P3H2: variants seen among roughly 807,000 people sequenced by gnomAD.
P3H2 encodes prolyl 3-hydroxylase 2, also known as leprecan-like 1.
A neutral mutation model predicts 87.0 loss-of-function variants in P3H2; 80 were observed. The ratio of observed to expected loss-of-function variants is 0.92; its 90% confidence interval spans 0.77 to 1.11. The LOEUF is 1.11. P3H2 is among the 50% of genes least tolerant of loss of function. The pLI is 0.00. For synonymous variants in P3H2, 367 were observed against 359.3 expected, an observed-to-expected ratio of 1.02 and a Z score of -0.24; for missense variants, 1,001 against 923.9, an observed-to-expected ratio of 1.08 and a Z score of -1.08.
At chr3:189,994,898 T>C (rs865988549) in intron 2 of P3H2, among the ~76,000 whole-genome samples, 1 of 152,218 alleles carries the variant, frequency 6.6e-6, no homozygotes, top group African/African-American at 2.4e-5. Flanking sequence ...AATCACAGTA[T>C]AATCCTGAAC....
chr3:190,031,756 C>T lies in P3H2; in HGVS notation c.481-36314G>A, dbSNP rs576516193. Among the ~76,000 whole-genome samples the T allele has an allele frequency of 2.4e-5, 3 of 125,758 alleles. No homozygotes were observed. The South Asian group carries it at 8.0e-4, about 34-fold the overall frequency. 82.5% of individuals were successfully genotyped at this position (125,758 alleles called of 152,430 possible). A position where few individuals can be genotyped will look rare whatever the true frequency, so the allele number is the denominator to read the frequency against. ...ATCAGATAAATTTGCAAAAAAAATG[C>T]AGATTGGTAACAAAAATTTAAAATT... On this transcript the variant is annotated intron_variant, in intron 1 of 14. Transcript: ENST00000319332.
At chr3:190,038,179 C>T (rs1010242758) in intron 1 of P3H2, among the ~76,000 whole-genome samples, 9 of 149,306 alleles carry the variant, frequency 6.0e-5, no homozygotes, top group South Asian at 2.1e-4. Context: ...AGACCTGTCG[C>T]GAGCCGAGAT....
At chr3:189,963,736 GCC>G (rs1421296082) in intron 14 of P3H2, 1 of 558,246 alleles carries the variant, frequency 1.8e-6, no homozygotes, top group Non-Finnish European at 3.2e-6. Flanking sequence ...GAGCCACCAC[GCC>G]CAGCCTTACA....
rs66723928 is a variant in P3H2, at chr3:190,013,925, AT to A, written c.481-18484del. ...ATCAGTAAATGTTAGCTTTGATCTT[AT>A]TTTTTTTTAAGTAGGAAAAAAGTAG... On this transcript the variant is annotated intron_variant, in intron 1 of 14. Transcript: ENST00000319332. 4.0e-5 allele frequency among the ~76,000 whole-genome samples: 6 copies of A among 151,590 alleles called. No homozygotes were observed. The East Asian group carries it at 5.8e-4, about 15-fold the overall frequency.
rs71635315 is a variant in P3H2 at position 190,041,020 on chromosome 3, C to CTATATATATATA, written c.481-45590_481-45579dup. 4.0e-4 allele frequency among the ~76,000 whole-genome samples: 21 copies of CTATATATATATA among 52,656 alleles called. 1 individual carries two copies. Among genetic ancestry groups the CTATATATATATA allele is most frequent in the South Asian group, 2.1e-3 (2 of 948 alleles). The allele number at this position is 52,656 out of a possible 152,430, so 34.5% of individuals were successfully genotyped here. A position where few individuals can be genotyped will look rare whatever the true frequency, so the allele number is the denominator to read the frequency against. ...GCAACATGGCAAAACCATGGCTCTA[C>CTATATATATATA]TATATATATATATATATACACACAC... On this transcript the variant is annotated intron_variant, in intron 1 of 14. Coordinates refer to ENST00000319332, the MANE Select transcript of P3H2 (RefSeq NM_018192.4).
rs184396235 is a variant in P3H2 at position 189,987,025 on chromosome 3, T to C, written c.1099-148A>G. 3.2e-5 allele frequency: 21 copies of C among 652,968 alleles called. No homozygotes were observed. In the East Asian group the frequency reaches 5.7e-4, roughly 18 times the overall value. The allele number at this position is 652,968 out of a possible 1,614,324, so 40.4% of individuals were successfully genotyped here. A position where few individuals can be genotyped will look rare whatever the true frequency, so the allele number is the denominator to read the frequency against. ...TGCAAGACTTGGCCCCATCTCAACA[T>C]ACTTTCACACGCTAGCATGTATGAA... is the stretch of plus-strand genomic sequence containing the variant. On this transcript the variant is annotated intron_variant, in intron 5 of 14. Coordinates refer to ENST00000319332, the MANE Select transcript of P3H2 (RefSeq NM_018192.4).
chr3:189,990,987 T>C (rs777948802), intron 3 of P3H2, among the ~76,000 whole-genome samples: 5 of 152,144 alleles, frequency 3.3e-5, no homozygotes, highest in Non-Finnish European at 7.3e-5. Context: ...GCCAAAACTG[T>C]TCAGTGGCCA....
At chr3:189,980,107 C>G (rs1723484573) in intron 8 of P3H2, among the ~76,000 whole-genome samples, 1 of 152,180 alleles carries the variant, frequency 6.6e-6, no homozygotes, top group African/African-American at 2.4e-5. Context: ...CTGGGTCACC[C>G]CATCTTAATG....
intron 1 of P3H2, among the ~76,000 whole-genome samples, chr3:190,104,941 T>C (rs575022162): frequency 6.6e-6 from 1 of 152,330 alleles, no homozygotes; most frequent in Admixed American, 6.5e-5. Context: ...TAACTATTTA[T>C]AGGGAGTAGG....
At chr3:189,961,366 A>G (rs1722805069) in intron 14 of P3H2, among the ~76,000 whole-genome samples, 1 of 152,238 alleles carries the variant, frequency 6.6e-6, no homozygotes, top group Non-Finnish European at 1.5e-5. Context: ...TGGAACCAAT[A>G]TATATGAAGC....
At chr3:190,066,241 T>C (rs1425168452) in intron 1 of P3H2, among the ~76,000 whole-genome samples, 2 of 151,690 alleles carry the variant, frequency 1.3e-5, no homozygotes, top group Non-Finnish European at 2.9e-5. Context: ...TACATACATA[T>C]ATATGATGGA....
intron 13 of P3H2, among the ~76,000 whole-genome samples, chr3:189,970,177 CAT>C (rs1242451649): frequency 2.1e-5 from 1 of 48,280 alleles, no homozygotes; most frequent in Admixed American, 3.0e-4. Flanking sequence ...TCTCTCTATG[CAT>C]ATATATATGC....
At chr3:189,971,123 A>T (rs1023457702) in intron 12 of P3H2, among the ~76,000 whole-genome samples, 1 of 152,242 alleles carries the variant, frequency 6.6e-6, no homozygotes, top group Non-Finnish European at 1.5e-5. Context: ...ATCATATGTC[A>T]AAGCTTGTCT....
chr3:190,066,882 TCTC>T (rs1726526942), intron 1 of P3H2, among the ~76,000 whole-genome samples: 2 of 152,106 alleles, frequency 1.3e-5, no homozygotes, highest in Non-Finnish European at 2.9e-5. Flanking sequence ...TAGAGTGCCT[TCTC>T]CTTCCACCTT....
chr3:190,078,939 T>C (rs1372305050), intron 1 of P3H2, among the ~76,000 whole-genome samples: 1 of 152,178 alleles, frequency 6.6e-6, no homozygotes, highest in Non-Finnish European at 1.5e-5. Context: ...TACACGAGAC[T>C]GTATGCACAG....
chr3:190,089,997 C>T (rs1291234096), intron 1 of P3H2, among the ~76,000 whole-genome samples: 1 of 152,090 alleles, frequency 6.6e-6, no homozygotes, highest in African/African-American at 2.4e-5. Flanking sequence ...AGGTAAAGAA[C>T]TTGTGGTTTG....
chr3:190,058,364 C>T (rs1296867559), intron 1 of P3H2, among the ~76,000 whole-genome samples: 11 of 152,096 alleles, frequency 7.2e-5, no homozygotes, highest in Admixed American at 2.6e-4. Context: ...ATACCTATCC[C>T]CGCCCCCAAG....
chr3:189,970,301 T>A (rs890976470), intron 13 of P3H2, among the ~76,000 whole-genome samples: 2 of 143,474 alleles, frequency 1.4e-5, no homozygotes, highest in African/African-American at 2.5e-5. Context: ...ATATATTTTT[T>A]ATATATATAA....
At chr3:190,071,125 T>A (rs1207815446) in intron 1 of P3H2, among the ~76,000 whole-genome samples, 1 of 152,232 alleles carries the variant, frequency 6.6e-6, no homozygotes, top group Non-Finnish European at 1.5e-5. Context: ...CATGTTTGCA[T>A]TGAAACTGAT....
Sources: gnomAD v4.1 joint callset for allele counts (sites outside exome capture counted in the v4.1 genomes callset) on GRCh38, gnomAD v4.1.1 for gene constraint, MANE v1.5 for transcripts, NCBI Gene and HGNC (gene_info 2026-07-23, HGNC 2026-07-21) for gene names.